Variants in ABCA2 observed in about 807,000 individuals in gnomAD.
ABCA2 encodes ATP binding cassette subfamily A member 2.
In ABCA2, 84 loss-of-function variants were observed where a neutral mutation model predicts 262.8. The observed-to-expected ratio is 0.32, with a 90% CI of 0.27 to 0.38. The LOEUF is 0.38. Ranked by LOEUF, ABCA2 falls within the 10% of genes least tolerant of loss-of-function variation. The pLI, the probability that ABCA2 is intolerant of heterozygous loss-of-function variation, is 1.00. For synonymous variants in ABCA2, 1,696 were observed against 1,502.9 expected, an observed-to-expected ratio of 1.13 and a Z score of -2.97; for missense variants, 2,662 against 3,405.9, an observed-to-expected ratio of 0.78 and a Z score of 5.44.
rs988962346 is a variant in ABCA2, at chr9:137,013,348, T to C, written c.4551-30A>G. ...GGGCACCGACAGTGTGAGGTGGGGC[T>C]GCCAGTCTCCGCCCCTCGCCAGCCC... is the stretch of plus-strand genomic sequence containing the variant. On this transcript the variant is annotated intron_variant, in intron 29 of 48. Coordinates refer to ENST00000341511, the MANE Select transcript of ABCA2 (RefSeq NM_001606.5). 3 of 1,530,970 alleles carry C rather than the reference T, an allele frequency of 2.0e-6. No individual in the cohort carries two copies. In the African/African-American group the frequency reaches 4.1e-5, roughly 21 times the overall value. 94.8% of individuals were successfully genotyped at this position (1,530,970 alleles called of 1,614,324 possible).
chr9:137,021,958 T>A lies in ABCA2; in HGVS notation c.611A>T (p.Gln204Leu). The change falls in exon 7 of 49, where the codon CAG becomes CTG. Residue 204 changes from glutamine (Q) to leucine (L), a missense_variant. Around this residue, in one of 12 missense-constraint regions of ABCA2, gnomAD observed 403 missense variants for 375.9 expected, o/e 1.07. Transcript: ENST00000341511. This position sits in a 1 kb window ranked among gnomAD's most constrained non-coding sequence, Gnocchi z 6.0. Reference sequence around the variant, plus strand: ...CTCCTGACCCTTGTGGAGGCCAGACTGTGAATCCAGGGCAGATGAGGGACC... The same window carrying A: ...CTCCTGACCCTTGTGGAGGCCAGACAGTGAATCCAGGGCAGATGAGGGACC... ...LFGPSSALDS[Q>L]SGLHKGQEPW... The A allele has an allele frequency of 6.2e-7, 1 of 1,603,950 alleles. No homozygotes were observed. The highest frequency in any genetic ancestry group is 8.5e-7 in the Non-Finnish European group (1 of 1,176,602).
Position 137,022,353 on chromosome 9 carries a change from C to T in ABCA2, c.565G>A (p.Glu189Lys), listed in dbSNP as rs767021790. ...ALLAARVDPP[E>K]VYHLLFGPSS... ...GCTGGGAGCTGTCCCTGCCTTACCT[C>T]GGGCGGGTCCACACGGGCGGCCAAG... The change falls in exon 6 of 49, where the codon GAG becomes AAG. Residue 189 changes from glutamate (E) to lysine (K), a missense_variant and splice_region_variant. This residue lies in a region of ABCA2 where 403 missense variants were observed against 375.9 expected (regional missense o/e 1.07). Transcript: ENST00000341511. 217 of 1,603,330 alleles carry T rather than the reference C, an allele frequency of 1.4e-4. No individual in the cohort carries two copies. Among genetic ancestry groups the T allele is most frequent in the Non-Finnish European group, 1.7e-4 (195 of 1,175,716 alleles).
rs374231008 is a variant in ABCA2, at chr9:137,013,473, C to T, written c.4538G>A (p.Arg1513His). 1.4e-5 allele frequency: 22 copies of T among 1,606,672 alleles called. No individual in the cohort carries two copies. The highest frequency in any genetic ancestry group is 1.6e-5 in the Non-Finnish European group (19 of 1,178,238). The change falls in exon 29 of 49, where the codon CGC becomes CAC. Residue 1513 changes from arginine (R) to histidine (H), a missense_variant. Physicochemically the swap from Arg to His is conservative, Grantham distance 29. Coordinates refer to ENST00000341511, the MANE Select transcript of ABCA2 (RefSeq NM_001606.5). ...CTGGAGGCCTCACCGGTACTCGCGGCGCTCCTCGTTGGCGTAGGGGATGAA... is the reference window on the plus strand; with the variant it reads ...CTGGAGGCCTCACCGGTACTCGCGGTGCTCCTCGTTGGCGTAGGGGATGAA... ...GNFIPYANEERREYRLRLSPD... is the reference protein window; with the variant it reads ...GNFIPYANEEHREYRLRLSPD...
chr9:137,022,723 TC>T lies in ABCA2; in HGVS notation c.417del (p.Ser140AlafsTer27), dbSNP rs1367393641. On this transcript the variant is annotated frameshift_variant, in exon 5 of 49. Transcript: ENST00000341511. LOFTEE classifies it high-confidence loss of function. ...EALSAGPGTS[G>X]SHLDRSTVSS... ...ACACCTGTGGATCTGTCCAGGTGGC[TC>T]CCCGAGGTGCCCGGGCCCGCACTGA... 1 of 1,606,072 alleles carries T rather than the reference TC, an allele frequency of 6.2e-7. No homozygotes were observed. Among genetic ancestry groups the T allele is most frequent in the Non-Finnish European group, 8.5e-7 (1 of 1,178,384 alleles).
intron 29 of ABCA2, 55 bp downstream of exon 29, chr9:137,013,406 T>C: frequency 6.5e-7 from 1 of 1,548,190 alleles, no homozygotes; most frequent in South Asian, 1.2e-5. Flanking sequence ...ACCAAGGCTG[T>C]CCCCGCCCCT....
Position 137,021,494 on chromosome 9 carries a change from C to A in ABCA2, c.795G>T (p.Arg265=). ...ESQKGALQGY[R]DAVCSGQAAA... ...CAGCCTGCCCACTGCAGACAGCATCCCGGTAGCCCTGCAGGGCTCCCTTCT... is the reference window on the plus strand; with the variant it reads ...CAGCCTGCCCACTGCAGACAGCATCACGGTAGCCCTGCAGGGCTCCCTTCT... Residue 265 remains arginine (R), a synonymous_variant, in exon 8 of 49, where the codon CGG becomes CGT. Transcript: ENST00000341511. The surrounding 1 kb of genome is among the most constrained non-coding windows in gnomAD (Gnocchi z 6.0). 6.2e-7 allele frequency: 1 copy of A among 1,610,604 alleles called. No homozygotes were observed. The highest frequency in any genetic ancestry group is 8.5e-7 in the Non-Finnish European group (1 of 1,179,038).
At chr9:137,014,636 C>A in intron 26 of ABCA2, 54 bp downstream of exon 26, 2 of 1,572,756 alleles carry the variant, frequency 1.3e-6, no homozygotes, top group Admixed American at 1.9e-5. Flanking sequence ...AGCGCAGGCC[C>A]GAGCTGGGGC....
rs1831391521 is a variant in ABCA2 at position 137,019,886 on chromosome 9, AC to A, written c.1425+449del. 4.9e-6 allele frequency: 1 copy of A among 204,132 alleles called. No individual in the cohort carries two copies. The highest frequency in any genetic ancestry group is 1.5e-4 in the East Asian group (1 of 6,802). The allele number at this position is 204,132 out of a possible 1,614,324, so 12.6% of individuals were successfully genotyped here. On this transcript the variant is annotated intron_variant, in intron 10 of 48. Coordinates refer to ENST00000341511, the MANE Select transcript of ABCA2 (RefSeq NM_001606.5). The surrounding 1 kb of genome is among the most constrained non-coding windows in gnomAD (Gnocchi z 4.4). Reference sequence around the variant, plus strand: ...CCAATGCTCCACCCTCATCTGTCCCACCCTCATCCTAGGGACCCCCTCTACA... The same window carrying A: ...CCAATGCTCCACCCTCATCTGTCCCACCTCATCCTAGGGACCCCCTCTACA...
At position 137,015,416 on chromosome 9, in the gene ABCA2, TG is replaced by T; in HGVS notation, c.3694del (p.Gln1232LysfsTer15). On this transcript the variant is annotated frameshift_variant, in exon 24 of 49. Coordinates refer to ENST00000341511, the MANE Select transcript of ABCA2 (RefSeq NM_001606.5). LOFTEE classifies it high-confidence loss of function. ...VKRPAEPGGP[Q>X]EPGLASSPPG... ...GCTCAGGCAGCTTCAACACAGACCT[TG>T]GGGGCCCCCCGGCTCGGCGGGCCGC... 1.3e-6 allele frequency: 2 copies of T among 1,560,938 alleles called. No homozygotes were observed. The highest frequency in any genetic ancestry group is 8.7e-7 in the Non-Finnish European group (1 of 1,154,022).
At chr9:137,010,876 GC>G in intron 39 of ABCA2, 96 bp downstream of exon 39, 1 of 785,932 alleles carries the variant, frequency 1.3e-6, no homozygotes. Flanking sequence ...ACCCCCTCCT[GC>G]CCCATCCCTG....
intron 48 of ABCA2, 41 bp downstream of exon 48, chr9:137,008,375 G>A: frequency 6.5e-7 from 1 of 1,547,012 alleles, no homozygotes; most frequent in Non-Finnish European, 8.7e-7. Context: ...CCTGGGTCCA[G>A]TGGGCAGAGC....
chr9:137,024,366 G>A (rs1831580783), intron 1 of ABCA2, 130 bp from the exon 2 acceptor site: 2 of 718,912 alleles, frequency 2.8e-6, no homozygotes, highest in Admixed American at 3.0e-5. Context: ...GTGGGCACAG[G>A]CCCTTCGGAA....
In ABCA2 at chr9:137,016,600, G is replaced by C. The variant is rs1400432049; in HGVS notation, c.2897C>G (p.Ala966Gly). Residue 966 changes from alanine (A) to glycine (G), a missense_variant, in exon 20 of 49, where the codon GCC becomes GGC. By Grantham distance (60) the Ala-to-Gly change is moderately conservative. This residue lies in a region of ABCA2 where 133 missense variants were observed against 150.8 expected (regional missense o/e 0.88). Coordinates refer to ENST00000341511, the MANE Select transcript of ABCA2 (RefSeq NM_001606.5). ...AAAGCGCCGGCTCTCCATGGCACAG[G>C]CCTGGTCCTCCTCCATGACACTGAG... ...PRLSVMEEDQ[A>G]CAMESRRFEE... The C allele has an allele frequency of 6.2e-7, 1 of 1,612,136 alleles. No individual in the cohort carries two copies. Among genetic ancestry groups the C allele is most frequent in the Non-Finnish European group, 8.5e-7 (1 of 1,179,920 alleles).
At chr9:137,023,427 G>C in intron 3 of ABCA2, 1 of 710,248 alleles carries the variant, frequency 1.4e-6, no homozygotes, top group Non-Finnish European at 2.6e-6. Context: ...TCTGGGCAGT[G>C]ACCTCTGACC....
At position 137,011,217 on chromosome 9, in the gene ABCA2, G is replaced by A. The variant is rs746084244; in HGVS notation, c.5892C>T (p.Asn1964=). 75 of 1,612,438 alleles carry A rather than the reference G, an allele frequency of 4.7e-5. No individual in the cohort carries two copies. The highest frequency in any genetic ancestry group is 6.1e-5 in the Non-Finnish European group (72 of 1,179,868). Reference sequence around the variant, plus strand: ...TGGCGTAGTACTCGTTGATGTACTCGTTGTAGGCCATCTCCATGAGCCCGT... The same window carrying A: ...TGGCGTAGTACTCGTTGATGTACTCATTGTAGGCCATCTCCATGAGCCCGT... ...LGHGLMEMAY[N]EYINEYYAKI... is the part of the protein sequence containing the mutation. The change falls in exon 38 of 49, where the codon AAC becomes AAT. Residue 1964 remains asparagine (N), a synonymous_variant. Transcript: ENST00000341511. This position sits in a 1 kb window ranked among gnomAD's most constrained non-coding sequence, Gnocchi z 8.8.
chr9:137,010,934 C>T (rs1481925104), intron 39 of ABCA2, 39 bp downstream of exon 39: 2 of 648,370 alleles, frequency 3.1e-6, no homozygotes, highest in Non-Finnish European at 5.2e-6. Context: ...CCCATCCCTG[C>T]TCCCGCCCCG....
At chr9:137,009,332 G>GGGCCCCCCCCCCCCCCCC in intron 45 of ABCA2, 38 bp downstream of exon 45, 5 of 980,410 alleles carry the variant, frequency 5.1e-6, no homozygotes, top group Non-Finnish European at 7.7e-6. Flanking sequence ...CCCCCCCCGG[G>GGGCCCCCCCCCCCCCCCC]CCCGCCCCAG....
chr9:137,010,101 A>T lies in ABCA2; in HGVS notation c.6377T>A (p.Val2126Glu). 6.3e-7 allele frequency: 1 copy of T among 1,596,742 alleles called. No homozygotes were observed. Among genetic ancestry groups the T allele is most frequent in the Non-Finnish European group, 8.5e-7 (1 of 1,176,740 alleles). Reference protein sequence around the residue: ...GHSVLKELLQVQQSLGYCPQC... With the variant: ...GHSVLKELLQEQQSLGYCPQC... ...CGGGCAGTAGCCGAGGCTCTGCTGC[A>T]CCTGGAGCAGCTCCTTCAGCACGCT... The change falls in exon 42 of 49, where the codon GTG (valine) becomes GAG (glutamate). Residue 2126 changes from valine (V) to glutamate (E), a missense_variant. Physicochemically the swap from Val to Glu is moderately radical, Grantham distance 121 (BLOSUM62 -2). Coordinates refer to ENST00000341511, the MANE Select transcript of ABCA2 (RefSeq NM_001606.5).
chr9:137,010,614 G>A lies in ABCA2; in HGVS notation c.6174+6C>T, dbSNP rs909479917. On this transcript the variant is annotated splice_donor_region_variant and intron_variant, in intron 40 of 48. Coordinates refer to ENST00000341511, the MANE Select transcript of ABCA2 (RefSeq NM_001606.5). ...CCAGGCCCCACCCTACATGCCCAGAGCCCACCTTGGTCAGGTTCTCAATCT... is the reference window on the plus strand; with the variant it reads ...CCAGGCCCCACCCTACATGCCCAGAACCCACCTTGGTCAGGTTCTCAATCT... 7 of 1,237,656 alleles carry A rather than the reference G, an allele frequency of 5.7e-6. No homozygotes were observed. Among genetic ancestry groups the A allele is most frequent in the Admixed American group, 3.6e-5 (2 of 55,602 alleles). 76.7% of individuals were successfully genotyped at this position (1,237,656 alleles called of 1,614,324 possible).
Sources: gnomAD v4.1 joint callset for allele counts on GRCh38, gnomAD v4.1.1 for gene constraint, gnomAD v4.1.1 regional missense constraint, Gnocchi (gnomAD v3.1) non-coding constraint, MANE v1.5 for transcripts, NCBI Gene and HGNC (gene_info 2026-07-23, HGNC 2026-07-21) for gene names.